Variants in FAM110B observed in about 807,000 individuals in gnomAD.
FAM110B encodes family with sequence similarity 110 member B, also known as protein FAM110B.
Under a neutral mutation model 20.4 loss-of-function variants are expected in FAM110B, and 6 were observed. The ratio of observed to expected loss-of-function variants is 0.29; its 90% CI spans 0.16 to 0.58. The LOEUF is 0.58. Among genes scored for constraint, FAM110B ranks in the 20% least tolerant of loss-of-function variants. FAM110B has a pLI of 0.90. For missense variants in FAM110B, 434 were observed against 498.2 expected (o/e 0.87, Z 1.23); for synonymous variants, 226 against 214.1 (o/e 1.06, Z -0.49).
intron 3 of FAM110B, among the ~76,000 whole-genome samples, chr8:58,142,517 C>G (rs1316648163): frequency 6.6e-6 from 1 of 152,170 alleles, no homozygotes; most frequent in Admixed American, 6.5e-5. Context: ...CTGCACAAAC[C>G]AGGACTCCCC....
chr8:58,073,832 T>C (rs1277942339), intron 2 of FAM110B, among the ~76,000 whole-genome samples: 7 of 152,380 alleles, frequency 4.6e-5, no homozygotes, highest in Admixed American at 2.6e-4. Flanking sequence ...GATTTCACCT[T>C]GAAGGCATCT....
chr8:58,126,669 ACATC>A (rs1349081967), intron 3 of FAM110B, among the ~76,000 whole-genome samples: 3 of 152,008 alleles, frequency 2.0e-5, no homozygotes, highest in African/African-American at 7.3e-5. Flanking sequence ...TATAATGTTG[ACATC>A]TTTTCATATG....
chr8:58,089,059 A>G (rs927761263), intron 3 of FAM110B, among the ~76,000 whole-genome samples: 12 of 152,242 alleles, frequency 7.9e-5, no homozygotes, highest in Admixed American at 7.2e-4. Context: ...GAGAGGCTAA[A>G]GTAAAAACCT....
intron 3 of FAM110B, among the ~76,000 whole-genome samples, chr8:58,102,704 G>C (rs1585888363): frequency 6.6e-6 from 1 of 152,062 alleles, no homozygotes; most frequent in Non-Finnish European, 1.5e-5. Context: ...CTCCCTTCCT[G>C]GTGCCCCAGT....
chr8:58,062,039 G>A lies in FAM110B; in HGVS notation c.-413-13496G>A, dbSNP rs371086107. Among the ~76,000 whole-genome samples, 6 of 152,206 alleles carry A rather than the reference G, an allele frequency of 3.9e-5. No individual in the cohort carries two copies. The East Asian group carries it at 9.6e-4, about 24-fold the overall frequency. ...ACTTTTCCTCATTCTTGAAGGACAC[G>A]ATACATTTTTTTTCTGTTAAAATCA... On this transcript the variant is annotated intron_variant, in intron 2 of 3. Transcript: ENST00000519262.
intron 1 of FAM110B, among the ~76,000 whole-genome samples, chr8:58,006,923 A>ATATATATATATATATATTTTTTTT: frequency 7.9e-6 from 1 of 126,532 alleles, no homozygotes; most frequent in African/African-American, 3.0e-5. Context: ...ATATATATAT[A>ATATATATATATATATATTTTTTTT]TTTTTCCAAA....
At chr8:58,023,664 T>G (rs898620936) in intron 1 of FAM110B, among the ~76,000 whole-genome samples, 1 of 152,178 alleles carries the variant, frequency 6.6e-6, no homozygotes, top group Non-Finnish European at 1.5e-5. Context: ...GCTCACATGT[T>G]GGCTGGGAAC....
intron 3 of FAM110B, among the ~76,000 whole-genome samples, chr8:58,079,815 T>A (rs1378686127): frequency 6.6e-6 from 1 of 152,168 alleles, no homozygotes; most frequent in Non-Finnish European, 1.5e-5. Flanking sequence ...CATATTAAAA[T>A]TTTTTAAATC....
At chr8:58,009,882 C>G (rs532460995) in intron 1 of FAM110B, among the ~76,000 whole-genome samples, 90 of 152,162 alleles carry the variant, frequency 5.9e-4, no homozygotes, top group Non-Finnish European at 1.1e-3. Flanking sequence ...TATAGGGTTA[C>G]TTGGCTAGAA....
intron 2 of FAM110B, among the ~76,000 whole-genome samples, chr8:58,074,241 T>G (rs1805977274): frequency 6.6e-6 from 1 of 152,174 alleles, no homozygotes. Flanking sequence ...CTGTCTCCTT[T>G]GCTACCCCCC....
At chr8:58,122,718 G>A (rs77131550) in intron 3 of FAM110B, among the ~76,000 whole-genome samples, 93 of 151,952 alleles carry the variant, frequency 6.1e-4, no homozygotes, top group African/African-American at 2.0e-3. Context: ...GAAGTTCTCT[G>A]CAAATGTCCT....
chr8:58,112,229 T>G (rs1807074890), intron 3 of FAM110B, among the ~76,000 whole-genome samples: 1 of 152,160 alleles, frequency 6.6e-6, no homozygotes, highest in Non-Finnish European at 1.5e-5. Context: ...CTTGGGAAGC[T>G]GAGGCAGGAG....
In FAM110B at chr8:58,148,689, G is replaced by A. The variant is rs1202929719; in HGVS notation, c.*1346G>A. 6.0e-6 allele frequency: 1 copy of A among 167,070 alleles called. No homozygotes were observed. Among genetic ancestry groups the A allele is most frequent in the African/African-American group, 2.4e-5 (1 of 41,444 alleles). 10.3% of individuals were successfully genotyped at this position (167,070 alleles called of 1,614,324 possible). ...GAGCTAATAGGAAACTTTTTATGGTGTAAATGCTGTAAGACTTTGTACATA... is the reference window on the plus strand; with the variant it reads ...GAGCTAATAGGAAACTTTTTATGGTATAAATGCTGTAAGACTTTGTACATA... On this transcript the variant is annotated 3_prime_UTR_variant, in exon 4 of 4. Transcript: ENST00000519262.
Position 58,147,456 on chromosome 8 carries a change from C to CGTGG in FAM110B, c.*113_*114insGTGG. The CGTGG allele has an allele frequency of 7.6e-7, 1 of 1,308,012 alleles. No individual in the cohort carries two copies. The highest frequency in any genetic ancestry group is 1.0e-6 in the Non-Finnish European group (1 of 955,352). The allele number at this position is 1,308,012 out of a possible 1,614,324, so 81.0% of individuals were successfully genotyped here. On this transcript the variant is annotated 3_prime_UTR_variant, in exon 4 of 4. Transcript: ENST00000519262. The stretch of plus-strand genomic sequence containing the variant: ...TCCACTCTTTGTGTTGCTTGTTGTG[C>CGTGG]AATGTTTTCAAGTTGCATGCTTGTC...
chr8:58,086,414 A>G (rs910377624), intron 3 of FAM110B, among the ~76,000 whole-genome samples: 1 of 152,220 alleles, frequency 6.6e-6, no homozygotes, highest in Non-Finnish European at 1.5e-5. Context: ...ACTTCATGTT[A>G]TACATGTTTA....
At chr8:58,006,595 C>G (rs1804407465) in intron 1 of FAM110B, among the ~76,000 whole-genome samples, 1 of 151,462 alleles carries the variant, frequency 6.6e-6, no homozygotes, top group African/African-American at 2.4e-5. Flanking sequence ...TGAAGTCCAC[C>G]CTTAATTGAT....
chr8:58,092,821 C>T (rs553170666), intron 3 of FAM110B, among the ~76,000 whole-genome samples: 5 of 152,334 alleles, frequency 3.3e-5, no homozygotes, highest in Non-Finnish European at 7.4e-5. Flanking sequence ...GGAATCGCCA[C>T]ACTGTCTTCC....
chr8:58,102,549 T>G (rs1383017526), intron 3 of FAM110B, among the ~76,000 whole-genome samples: 1 of 152,186 alleles, frequency 6.6e-6, no homozygotes, highest in Non-Finnish European at 1.5e-5. Flanking sequence ...AGGAATTTAT[T>G]TGGGCAAGGA....
At chr8:58,005,948 G>A (rs947083914) in intron 1 of FAM110B, among the ~76,000 whole-genome samples, 1 of 152,124 alleles carries the variant, frequency 6.6e-6, no homozygotes, top group African/African-American at 2.4e-5. Flanking sequence ...GCCTAACGTG[G>A]TGATATCAGG....
Sources: gnomAD v4.1 joint callset for allele counts (sites outside exome capture counted in the v4.1 genomes callset) on GRCh38, gnomAD v4.1.1 for gene constraint, MANE v1.5 for transcripts, NCBI Gene and HGNC (gene_info 2026-07-23, HGNC 2026-07-21) for gene names.